MPP7: variants seen among roughly 807,000 people sequenced by gnomAD.
MPP7 encodes the protein MAGUK p55 subfamily member 7.
In MPP7, 60 loss-of-function variants were observed where a neutral mutation model predicts 76.5. The ratio of observed to expected loss-of-function variants is 0.78; its 90% CI spans 0.64 to 0.97. MPP7 has a LOEUF of 0.97. Ranked by LOEUF, MPP7 falls within the 50% of genes least tolerant of loss-of-function variation. The pLI is 0.00. For missense variants in MPP7, 641 were observed against 694.0 expected (o/e 0.92, Z 0.86); for synonymous variants, 237 against 244.5 (o/e 0.97, Z 0.29).
chr10:28,291,532 T>C (rs535897894), intron 1 of MPP7, among the ~76,000 whole-genome samples: 2 of 151,850 alleles, frequency 1.3e-5, no homozygotes, highest in African/African-American at 4.8e-5. Context: ...TTGAACCCAG[T>C]GGGGCAGAGG....
intron 1 of MPP7, among the ~76,000 whole-genome samples, chr10:28,296,941 T>C (rs749552919): frequency 2.6e-5 from 4 of 152,120 alleles, no homozygotes; most frequent in Non-Finnish European, 4.4e-5. Context: ...GCAGTTTACA[T>C]AAAATTTAAA....
At chr10:28,095,522 G>A (rs1374037669) in intron 11 of MPP7, among the ~76,000 whole-genome samples, 1 of 152,120 alleles carries the variant, frequency 6.6e-6, no homozygotes, top group Non-Finnish European at 1.5e-5. Context: ...AATGAGCGAT[G>A]TGTCAGTACA....
chr10:28,329,886 G>A (rs1300378515), intron 2 of MPP7: 1 of 152,148 alleles, frequency 6.6e-6, no homozygotes. Context: ...AAGGCTTGGG[G>A]TCTAATCCCA....
intron 2 of MPP7, 128 bp downstream of exon 2, chr10:28,238,440 T>C (rs1366130626): frequency 2.1e-6 from 2 of 940,398 alleles, no homozygotes; most frequent in Non-Finnish European, 3.3e-6. Context: ...GTTGATCTTA[T>C]GTCCCTAGTG....
At chr10:28,334,443 G>T (rs999468681) in exon 1 of MPP7, 2 of 152,154 alleles carry the variant, frequency 1.3e-5, no homozygotes, top group African/African-American at 4.8e-5. Context: ...TTGCATCCAG[G>T]ATGAGATGAT....
chr10:28,147,505 A>G lies in MPP7; in HGVS notation c.293T>C (p.Leu98Pro). The change falls in exon 5 of 17, where the codon CTA becomes CCA. Residue 98 changes from leucine (L) to proline (P), a missense_variant. Leu to Pro is a moderately conservative substitution (Grantham distance 98). Transcript: ENST00000683449. ...CACCTTCACATTGGGTTTTGACAGT[A>G]GTTTCAACAGCTCTCTGATCTCACT... ...LNSEIRELLK[L>P]LSKPNVKALL... The G allele has an allele frequency of 6.2e-7, 1 of 1,614,042 alleles. No individual in the cohort carries two copies.
chr10:28,053,131 T>C lies in MPP7; in HGVS notation c.*934A>G, dbSNP rs1237670528. The C allele has an allele frequency of 6.6e-6, 1 of 152,182 alleles. No homozygotes were observed. Among genetic ancestry groups the C allele is most frequent in the African/African-American group, 2.4e-5 (1 of 41,450 alleles). 9.4% of individuals were successfully genotyped at this position (152,182 alleles called of 1,614,324 possible). On this transcript the variant is annotated 3_prime_UTR_variant, in exon 17 of 17. Transcript: ENST00000683449. Reference sequence around the variant, plus strand: ...TTAAAGAGGGGTGATCTATTGCACATAGATGAAAAATAATCTTTAATTGTA... The same window carrying C: ...TTAAAGAGGGGTGATCTATTGCACACAGATGAAAAATAATCTTTAATTGTA...
rs1468634343 is a variant in MPP7 at position 28,163,915 on chromosome 10, A to AAG, written c.157-13857_157-13856insCT. Reference sequence around the variant, plus strand: ...GATAAAACTCCAGAGCTCCATCTCAAAAAAAAAAAAAAAGAATGAGTATTA... The same window carrying AAG: ...GATAAAACTCCAGAGCTCCATCTCAAAGAAAAAAAAAAAAAGAATGAGTATTA... On this transcript the variant is annotated intron_variant, in intron 3 of 16. Coordinates refer to ENST00000683449, the MANE Select transcript of MPP7 (RefSeq NM_001318170.2). 2.7e-5 allele frequency among the ~76,000 whole-genome samples: 4 copies of AAG among 150,646 alleles called. No individual in the cohort carries two copies. The East Asian group carries it at 7.8e-4, about 29-fold the overall frequency.
intron 8 of MPP7, 24 bp from the exon 9 acceptor site, chr10:28,120,692 T>G: frequency 6.3e-7 from 1 of 1,593,884 alleles, no homozygotes; most frequent in Non-Finnish European, 8.6e-7. Flanking sequence ...AAACAAGGAG[T>G]TATAAGAAAA....
intron 13 of MPP7, among the ~76,000 whole-genome samples, chr10:28,065,529 A>G (rs1248626784): frequency 6.6e-6 from 1 of 152,178 alleles, no homozygotes; most frequent in African/African-American, 2.4e-5. Context: ...ATTCCAAGGG[A>G]AAGATGTGCA....
At chr10:28,193,624 C>T (rs755712420) in intron 3 of MPP7, among the ~76,000 whole-genome samples, 2 of 151,946 alleles carry the variant, frequency 1.3e-5, no homozygotes, top group African/African-American at 4.8e-5. Flanking sequence ...ACCACTAAGA[C>T]AATGAAAAGA....
chr10:28,149,079 T>C (rs1835799111), intron 4 of MPP7, among the ~76,000 whole-genome samples: 1 of 152,234 alleles, frequency 6.6e-6, no homozygotes, highest in Admixed American at 6.5e-5. Flanking sequence ...CTTGCAAATT[T>C]ATTACATATG....
intron 5 of MPP7, among the ~76,000 whole-genome samples, chr10:28,143,803 C>T (rs1302829930): frequency 2.6e-5 from 4 of 151,408 alleles, no homozygotes; most frequent in African/African-American, 4.8e-5. Context: ...GCCCATCCCC[C>T]GTGCTTCCTT....
chr10:28,109,862 A>AAAAAAAAAAAAAAAAAAAAAAAAAAC (rs1834444595), intron 11 of MPP7, among the ~76,000 whole-genome samples: 1 of 149,514 alleles, frequency 6.7e-6, no homozygotes, highest in African/African-American at 2.5e-5. Context: ...AAAAAAAAAA[A>AAAAAAAAAAAAAAAAAAAAAAAAAAC]AAAAAAAAAA....
intron 2 of MPP7, among the ~76,000 whole-genome samples, chr10:28,233,445 C>T (rs1221773260): frequency 1.3e-5 from 2 of 152,028 alleles, no homozygotes; most frequent in Non-Finnish European, 2.9e-5. Flanking sequence ...CGGTGGCTCA[C>T]GCCTGTAATC....
chr10:28,281,572 A>C (rs1840672827), intron 1 of MPP7, among the ~76,000 whole-genome samples: 1 of 152,128 alleles, frequency 6.6e-6, no homozygotes, highest in Admixed American at 6.5e-5. Context: ...GCAGAGACAG[A>C]AAAAATAAAA....
chr10:28,221,338 A>G (rs17685404), intron 2 of MPP7, among the ~76,000 whole-genome samples: 9,305 of 152,242 alleles, frequency 0.061, 343 homozygotes, highest in Non-Finnish European at 0.081. Flanking sequence ...AACAGAATTC[A>G]TAACTATTGG....
At chr10:28,069,606 A>AC (rs373652591) in intron 13 of MPP7, among the ~76,000 whole-genome samples, 166 bp downstream of exon 13, 96 of 131,008 alleles carry the variant, frequency 7.3e-4, no homozygotes, top group African/African-American at 2.7e-3. Context: ...CCATCTCAAA[A>AC]AAACAAAACA....
chr10:28,262,740 T>C (rs915378457), intron 1 of MPP7, among the ~76,000 whole-genome samples: 2 of 152,170 alleles, frequency 1.3e-5, no homozygotes, highest in Non-Finnish European at 2.9e-5. Flanking sequence ...TTGAGTGGCT[T>C]GAGGAGACTA....
Sources: allele counts gnomAD v4.1 joint callset (sites outside exome capture counted in the v4.1 genomes callset), GRCh38; gene constraint gnomAD v4.1.1; transcripts MANE v1.5; gene names NCBI Gene and HGNC (gene_info 2026-07-23, HGNC 2026-07-21).